Variants in ADAM18 observed in about 807,000 individuals in gnomAD.
The protein encoded by ADAM18 is ADAM metallopeptidase domain 18, also known as disintegrin and metalloproteinase domain-containing protein 18.
Under a neutral mutation model 94.4 loss-of-function variants are expected in ADAM18, and 117 were observed. The ratio of observed to expected loss-of-function variants is 1.24; its 90% confidence interval spans 1.07 to 1.45. ADAM18 has a LOEUF of 1.45. Among genes scored for constraint, ADAM18 ranks in the 40% most tolerant of loss-of-function variants. ADAM18 has a pLI of 0.00. For synonymous variants in ADAM18, 327 were observed against 291.6 expected (o/e 1.12, Z -1.24); for missense variants, 936 against 880.0 (o/e 1.06, Z -0.81).
intron 17 of ADAM18, among the ~76,000 whole-genome samples, chr8:39,695,801 A>G (rs1821908337): frequency 6.6e-6 from 1 of 151,430 alleles, no homozygotes; most frequent in Non-Finnish European, 1.5e-5. Flanking sequence ...CATTGTATGT[A>G]TATACCACAT....
chr8:39,678,385 A>G (rs1283527621), intron 15 of ADAM18, among the ~76,000 whole-genome samples: 1 of 152,208 alleles, frequency 6.6e-6, no homozygotes, highest in Non-Finnish European at 1.5e-5. Context: ...ACCCTCCTCC[A>G]TATGTGAAAT....
rs1822481043 is a variant in ADAM18 at position 39,713,583 on chromosome 8, C to T, written c.2017+6679C>T. ...ATCCAGAATCTACAAAGAACACAAA[C>T]AAATTTACAAGAAAAAAACAAACAA... is the stretch of plus-strand genomic sequence containing the variant. On this transcript the variant is annotated intron_variant, in intron 18 of 19. Transcript: ENST00000265707. Among the ~76,000 whole-genome samples, 5 of 152,100 alleles carry T rather than the reference C, an allele frequency of 3.3e-5. No individual in the cohort carries two copies. The South Asian group carries it at 8.3e-4, about 25-fold the overall frequency.
At chr8:39,714,678 T>C (rs1301736397) in intron 18 of ADAM18, among the ~76,000 whole-genome samples, 1 of 152,086 alleles carries the variant, frequency 6.6e-6, no homozygotes, top group East Asian at 1.9e-4. Flanking sequence ...AGTTGACTAG[T>C]CTAACTCCCT....
At chr8:39,590,613 AAATG>A (rs1296309315) in intron 2 of ADAM18, among the ~76,000 whole-genome samples, 1 of 152,238 alleles carries the variant, frequency 6.6e-6, no homozygotes, top group Admixed American at 6.5e-5. Flanking sequence ...AAAAAAAATA[AAATG>A]AATGCTATCA....
At chr8:39,668,276 G>T in intron 14 of ADAM18, 80 bp downstream of exon 14, 1 of 1,323,704 alleles carries the variant, frequency 7.6e-7, no homozygotes, top group Non-Finnish European at 1.1e-6. Context: ...CACAACTCTA[G>T]AAGTGGAAGA....
In ADAM18 at chr8:39,680,044, C is replaced by G; in HGVS notation, c.1639C>G (p.Leu547Val). 6.2e-7 allele frequency: 1 copy of G among 1,613,356 alleles called. No homozygotes were observed. The highest frequency in any genetic ancestry group is 8.5e-7 in the Non-Finnish European group (1 of 1,179,730). The change falls in exon 16 of 20, where the codon CTC becomes GTC. Residue 547 changes from leucine to valine, a missense_variant. Coordinates refer to ENST00000265707, the MANE Select transcript of ADAM18 (RefSeq NM_014237.3). ...QPLPCERKDVLCGKLACVQPH... is the reference protein window; with the variant it reads ...QPLPCERKDVVCGKLACVQPH... ...TTTGCTTTCCACTTCCAGGGATGTTCTCTGTGGAAAATTAGCTTGTGTTCA... is the reference window on the plus strand; with the variant it reads ...TTTGCTTTCCACTTCCAGGGATGTTGTCTGTGGAAAATTAGCTTGTGTTCA...
intron 13 of ADAM18, among the ~76,000 whole-genome samples, chr8:39,667,785 C>T (rs746950460): frequency 1.3e-5 from 2 of 152,138 alleles, no homozygotes; most frequent in Non-Finnish European, 2.9e-5. Flanking sequence ...AACTCACTGT[C>T]AAAAGGAATT....
At chr8:39,706,950 T>C (rs1302486757) in intron 18 of ADAM18, 46 bp downstream of exon 18, 4 of 1,139,712 alleles carry the variant, frequency 3.5e-6, no homozygotes, top group South Asian at 1.3e-5. Flanking sequence ...GGTTGTTTTA[T>C]ATAAAGTTAA....
At chr8:39,661,902 C>G (rs1820851043) in intron 12 of ADAM18, among the ~76,000 whole-genome samples, 1 of 150,562 alleles carries the variant, frequency 6.6e-6, no homozygotes, top group Admixed American at 6.6e-5. Flanking sequence ...TAGAACATAT[C>G]CGTAGTGTTA....
At chr8:39,611,335 C>G in intron 6 of ADAM18, 1 of 657,642 alleles carries the variant, frequency 1.5e-6, no homozygotes, top group Non-Finnish European at 1.9e-6. Flanking sequence ...GAATGGATCT[C>G]TTTGTGTTTA....
At chr8:39,676,948 T>A (rs1821318548) in intron 14 of ADAM18, among the ~76,000 whole-genome samples, 1 of 152,194 alleles carries the variant, frequency 6.6e-6, no homozygotes, top group South Asian at 2.1e-4. Flanking sequence ...AATGTAACAT[T>A]GGTCCAATCC....
intron 1 of ADAM18, among the ~76,000 whole-genome samples, 200 bp downstream of exon 1, chr8:39,584,877 C>G (rs1043934436): frequency 2.7e-4 from 41 of 152,126 alleles, no homozygotes; most frequent in Non-Finnish European, 4.4e-5. Flanking sequence ...TGTTAGCGCT[C>G]TGCATCAGCG....
At chr8:39,619,323 T>C (rs1819538447) in intron 6 of ADAM18, among the ~76,000 whole-genome samples, 1 of 152,186 alleles carries the variant, frequency 6.6e-6, no homozygotes, top group Non-Finnish European at 1.5e-5. Context: ...AGCGACCGAA[T>C]GGACATTTAC....
intron 6 of ADAM18, among the ~76,000 whole-genome samples, chr8:39,627,376 A>C (rs915990151): frequency 2.0e-5 from 3 of 152,092 alleles, no homozygotes; most frequent in African/African-American, 7.2e-5. Context: ...TATGGGGGAA[A>C]CTGCCCCCAT....
intron 7 of ADAM18, among the ~76,000 whole-genome samples, chr8:39,632,832 A>C (rs1399248261): frequency 6.6e-6 from 1 of 152,178 alleles, no homozygotes; most frequent in African/African-American, 2.4e-5. Context: ...TTCTTTACAT[A>C]TGATATACAT....
At chr8:39,701,905 T>C (rs1415714415) in intron 17 of ADAM18, among the ~76,000 whole-genome samples, 1 of 152,212 alleles carries the variant, frequency 6.6e-6, no homozygotes, top group Non-Finnish European at 1.5e-5. Flanking sequence ...GCATTTAGGT[T>C]GATTCCATGT....
intron 18 of ADAM18, among the ~76,000 whole-genome samples, chr8:39,709,309 G>A (rs1822329426): frequency 6.6e-6 from 1 of 152,156 alleles, no homozygotes; most frequent in Admixed American, 6.5e-5. Context: ...CTGAAATCAA[G>A]CCACTTCTCT....
At chr8:39,714,370 A>C (rs9657181) in intron 18 of ADAM18, among the ~76,000 whole-genome samples, 2 of 151,882 alleles carry the variant, frequency 1.3e-5, no homozygotes, top group Non-Finnish European at 2.9e-5. Flanking sequence ...GCAAACCAAC[A>C]TAGCACATGC....
chr8:39,706,878 T>C lies in ADAM18; in HGVS notation c.1991T>C (p.Ile664Thr). The C allele has an allele frequency of 6.2e-7, 1 of 1,602,940 alleles. No individual in the cohort carries two copies. Among genetic ancestry groups the C allele is most frequent in the Non-Finnish European group, 8.5e-7 (1 of 1,172,378 alleles). The change falls in exon 18 of 20, where the codon ATT becomes ACT. Residue 664 changes from isoleucine to threonine, a missense_variant. Ile to Thr is a moderately conservative substitution (Grantham distance 89, BLOSUM62 -1). Coordinates refer to ENST00000265707, the MANE Select transcript of ADAM18 (RefSeq NM_014237.3). ...KFQFGSPGGS[I>T]DDGNFQKSGD... ...CAGTTTGGTTCCCCAGGGGGTAGTA[T>C]TGATGATGGAAATTTTCAGAAATCT...
Sources: allele counts gnomAD v4.1 joint callset (sites outside exome capture counted in the v4.1 genomes callset), GRCh38; gene constraint gnomAD v4.1.1; transcripts MANE v1.5; gene names NCBI Gene and HGNC (gene_info 2026-07-23, HGNC 2026-07-21).